The following ADAMTSL1 variants were observed in gnomAD, a reference collection of about 807,000 sequenced individuals.
The protein encoded by ADAMTSL1 is ADAMTS like 1.
A neutral mutation model predicts 201.8 loss-of-function variants in ADAMTSL1; 126 were observed. The ratio of observed to expected loss-of-function variants is 0.62; its 90% CI spans 0.54 to 0.72. The LOEUF (loss-of-function observed/expected upper bound fraction) is 0.72. Among genes scored for constraint, ADAMTSL1 ranks in the 30% least tolerant of loss-of-function variants. The pLI is 0.00. For synonymous variants in ADAMTSL1, 1,121 were observed against 903.4 expected (o/e 1.24, Z -4.32); for missense variants, 2,679 against 2,277.8 (o/e 1.18, Z -3.59).
chr9:18,601,461 A>G (rs889402126), intron 4 of ADAMTSL1, among the ~76,000 whole-genome samples: 2 of 152,164 alleles, frequency 1.3e-5, no homozygotes, highest in African/African-American at 4.8e-5. Context: ...TTCTGTCTCC[A>G]GCCAATTTTC....
At chr9:18,236,445 G>GGA (rs1244580169) in intron 2 of ADAMTSL1, among the ~76,000 whole-genome samples, 1 of 152,130 alleles carries the variant, frequency 6.6e-6, no homozygotes, top group Admixed American at 6.5e-5. Flanking sequence ...TCAGATTCCG[G>GGA]GACCCAGTTG....
intron 2 of ADAMTSL1, among the ~76,000 whole-genome samples, chr9:18,386,882 T>C (rs1007826964): frequency 6.6e-6 from 1 of 152,156 alleles, no homozygotes; most frequent in Admixed American, 6.5e-5. Flanking sequence ...TCTTTAATCG[T>C]CATCTTCCTT....
At chr9:18,781,921 A>C (rs139995353) in intron 19 of ADAMTSL1, among the ~76,000 whole-genome samples, 46 of 152,364 alleles carry the variant, frequency 3.0e-4, no homozygotes, top group African/African-American at 9.4e-4. Flanking sequence ...GAAAAGAATC[A>C]CTAATAATTC....
intron 1 of ADAMTSL1, among the ~76,000 whole-genome samples, chr9:18,025,480 C>T (rs1023042589): frequency 6.6e-6 from 1 of 152,038 alleles, no homozygotes; most frequent in African/African-American, 2.4e-5. Context: ...TATGGTTAGC[C>T]AGTTATCCCA....
intron 4 of ADAMTSL1, among the ~76,000 whole-genome samples, chr9:18,616,423 T>C (rs1248385784): frequency 6.6e-6 from 1 of 152,228 alleles, no homozygotes; most frequent in Non-Finnish European, 1.5e-5. Flanking sequence ...TGCTCAGATG[T>C]TATTGGGACA....
At chr9:18,518,797 C>T (rs924249868) in intron 2 of ADAMTSL1, among the ~76,000 whole-genome samples, 1 of 152,154 alleles carries the variant, frequency 6.6e-6, no homozygotes, top group Non-Finnish European at 1.5e-5. Flanking sequence ...CAACCTCTGC[C>T]CCCCGGATTC....
chr9:18,424,707 C>T (rs1819125137), intron 2 of ADAMTSL1, among the ~76,000 whole-genome samples: 1 of 152,188 alleles, frequency 6.6e-6, no homozygotes, highest in Admixed American at 6.5e-5. Flanking sequence ...CATTGTCTTT[C>T]TGGTAGTTAC....
chr9:18,781,564 G>A (rs1273493348), intron 19 of ADAMTSL1, among the ~76,000 whole-genome samples: 1 of 152,216 alleles, frequency 6.6e-6, no homozygotes, highest in Non-Finnish European at 1.5e-5. Flanking sequence ...CATTAGGACT[G>A]CTTTGCTGTG....
At chr9:18,132,147 AG>A (rs1825978692) in intron 1 of ADAMTSL1, among the ~76,000 whole-genome samples, 1 of 152,110 alleles carries the variant, frequency 6.6e-6, no homozygotes, top group Admixed American at 6.6e-5. Context: ...CCACCAAACA[AG>A]ATGCCCTACT....
At chr9:17,981,751 C>A (rs1333322780) in intron 1 of ADAMTSL1, among the ~76,000 whole-genome samples, 1 of 152,154 alleles carries the variant, frequency 6.6e-6, no homozygotes, top group African/African-American at 2.4e-5. Flanking sequence ...TTGTTAGATA[C>A]AGGTTCTGTT....
intron 1 of ADAMTSL1, among the ~76,000 whole-genome samples, chr9:18,012,749 T>A (rs1279563776): frequency 6.6e-6 from 1 of 152,024 alleles, no homozygotes; most frequent in Non-Finnish European, 1.5e-5. Context: ...CTTGGAAGCA[T>A]CTTTCAGGGT....
intron 16 of ADAMTSL1, among the ~76,000 whole-genome samples, chr9:18,770,285 T>C (rs1163407953): frequency 2.0e-5 from 3 of 152,186 alleles, no homozygotes; most frequent in Admixed American, 1.3e-4. Flanking sequence ...CACTCTATTA[T>C]ACTAACCTTT....
At chr9:18,050,911 G>C (rs922911113) in intron 1 of ADAMTSL1, among the ~76,000 whole-genome samples, 1 of 152,170 alleles carries the variant, frequency 6.6e-6, no homozygotes, top group Non-Finnish European at 1.5e-5. Context: ...CATGTCAATT[G>C]GATTGTGCTG....
At chr9:17,992,686 C>G (rs1375023260) in intron 1 of ADAMTSL1, among the ~76,000 whole-genome samples, 1 of 152,136 alleles carries the variant, frequency 6.6e-6, no homozygotes, top group African/African-American at 2.4e-5. Flanking sequence ...CATGATCACA[C>G]CACTGCACTG....
chr9:18,387,246 A>G (rs998676936), intron 2 of ADAMTSL1, among the ~76,000 whole-genome samples: 4 of 152,162 alleles, frequency 2.6e-5, no homozygotes, highest in Non-Finnish European at 1.5e-5. Flanking sequence ...AAGAAAACAT[A>G]TAAGGTAAAT....
At chr9:18,877,360 T>C (rs903939767) in intron 23 of ADAMTSL1, among the ~76,000 whole-genome samples, 1 of 152,200 alleles carries the variant, frequency 6.6e-6, no homozygotes, top group Non-Finnish European at 1.5e-5. Context: ...GGGTAGACTA[T>C]GTCAGAGGGA....
At chr9:18,443,696 C>T (rs1820084507) in intron 2 of ADAMTSL1, among the ~76,000 whole-genome samples, 5 of 152,182 alleles carry the variant, frequency 3.3e-5, no homozygotes, top group Non-Finnish European at 7.4e-5. Context: ...ACTGTACTGA[C>T]TTTTAGTTTC....
chr9:18,162,568 G>A (rs1225211860), intron 1 of ADAMTSL1, among the ~76,000 whole-genome samples: 1 of 151,886 alleles, frequency 6.6e-6, no homozygotes, highest in Admixed American at 6.6e-5. Flanking sequence ...TCATATGAAA[G>A]TATTTGATGG....
chr9:18,052,155 T>C (rs1821967969), intron 1 of ADAMTSL1, among the ~76,000 whole-genome samples: 1 of 152,200 alleles, frequency 6.6e-6, no homozygotes, highest in Non-Finnish European at 1.5e-5. Context: ...TATCAGTCAA[T>C]GAGTCAGTCA....
Sources: gnomAD v4.1 joint callset for allele counts (sites outside exome capture counted in the v4.1 genomes callset) on GRCh38, gnomAD v4.1.1 for gene constraint, MANE v1.5 for transcripts, NCBI Gene and HGNC (gene_info 2026-07-23, HGNC 2026-07-21) for gene names.